Variants in DMXL2 observed in about 807,000 individuals in gnomAD.
The protein encoded by DMXL2 is Dmx like 2, also known as dmX-like protein 2.
In DMXL2, 103 loss-of-function variants were observed where a neutral mutation model predicts 331.1. The ratio of observed to expected loss-of-function variants is 0.31; its 90% confidence interval spans 0.27 to 0.37. DMXL2 has a LOEUF of 0.37. Among genes scored for constraint, DMXL2 ranks in the 10% least tolerant of loss-of-function variants. The pLI, the probability that DMXL2 is intolerant of heterozygous loss-of-function variation, is 1.00. For synonymous variants in DMXL2, 1,281 were observed against 1,252.1 expected (o/e 1.02, Z -0.49); for missense variants, 3,171 against 3,642.9 (o/e 0.87, Z 3.33).
At chr15:51,451,759 GA>G (rs1042992155) in intron 41 of DMXL2, 62 bp from the exon 42 acceptor site, 16 of 1,410,214 alleles carry the variant, frequency 1.1e-5, no homozygotes, top group Non-Finnish European at 1.6e-5. Flanking sequence ...CGTCATCAGG[GA>G]CAACCTGTCT....
intron 1 of DMXL2, among the ~76,000 whole-genome samples, chr15:51,608,232 C>T (rs545233756): frequency 2.6e-5 from 4 of 152,000 alleles, no homozygotes; most frequent in African/African-American, 7.2e-5. Flanking sequence ...CAATTCAACC[C>T]AGCAATCCCA....
In DMXL2 at chr15:51,480,779, C is replaced by A; in HGVS notation, c.6327G>T (p.Leu2109=). ...TGTCTACCATTTCTTCCTGATCCAG[C>A]AGATCACTCTCTACTTTGGAATATG... ...SKTYSKVESD[L]LDQEEMVDKP... The change falls in exon 24 of 44, where the codon CTG becomes CTT. Residue 2109 remains leucine (L), a synonymous_variant. Coordinates refer to ENST00000560891, the MANE Select transcript of DMXL2 (RefSeq NM_001378457.1). The A allele has an allele frequency of 6.2e-7, 1 of 1,601,926 alleles. No homozygotes were observed. The highest frequency in any genetic ancestry group is 8.5e-7 in the Non-Finnish European group (1 of 1,172,196).
At chr15:51,527,313 G>A (rs1317042519) in intron 13 of DMXL2, among the ~76,000 whole-genome samples, 1 of 152,002 alleles carries the variant, frequency 6.6e-6, no homozygotes, top group Non-Finnish European at 1.5e-5. Flanking sequence ...CAAACATGAA[G>A]GATAACTAAA....
chr15:51,596,785 G>A (rs1469398069), intron 1 of DMXL2, among the ~76,000 whole-genome samples: 1 of 152,092 alleles, frequency 6.6e-6, no homozygotes, highest in Non-Finnish European at 1.5e-5. Context: ...CATGGATGAA[G>A]CTGGAAACCA....
rs750559484 is a variant in DMXL2, at chr15:51,502,917, T to C, written c.2881A>G (p.Ile961Val). The C allele has an allele frequency of 2.5e-6, 4 of 1,614,080 alleles. No homozygotes were observed. Among genetic ancestry groups the C allele is most frequent in the East Asian group, 4.5e-5 (2 of 44,860 alleles). The change falls in exon 17 of 44, where the codon ATT becomes GTT. Residue 961 changes from isoleucine (I) to valine (V), a missense_variant. Transcript: ENST00000560891. Reference protein sequence around the residue: ...SVSPMPHSSSIANLQTASKLI... With the variant: ...SVSPMPHSSSVANLQTASKLI... ...TTACTGGCAGTTTGAAGATTGGCAATTGATGAAGAATGTGGCATGGGGCTC... is the reference window on the plus strand; with the variant it reads ...TTACTGGCAGTTTGAAGATTGGCAACTGATGAAGAATGTGGCATGGGGCTC...
chr15:51,516,215 C>A (rs977064721), intron 14 of DMXL2, among the ~76,000 whole-genome samples: 2 of 152,162 alleles, frequency 1.3e-5, no homozygotes, highest in Non-Finnish European at 2.9e-5. Flanking sequence ...TTAGTTCTAT[C>A]CCTTAGACCA....
At chr15:51,549,326 A>G (rs989614312) in intron 6 of DMXL2, among the ~76,000 whole-genome samples, 3 of 151,698 alleles carry the variant, frequency 2.0e-5, no homozygotes, top group South Asian at 2.1e-4. Context: ...CATGGTGTGT[A>G]TATATATATA....
chr15:51,467,765 T>C (rs1353560837), intron 29 of DMXL2, among the ~76,000 whole-genome samples: 4 of 151,902 alleles, frequency 2.6e-5, no homozygotes, highest in Non-Finnish European at 5.9e-5. Context: ...CTCACTCTGT[T>C]GCCCAGGCTA....
chr15:51,580,363 T>C (rs954830123), intron 1 of DMXL2, among the ~76,000 whole-genome samples: 7 of 152,194 alleles, frequency 4.6e-5, no homozygotes, highest in Non-Finnish European at 7.3e-5. Flanking sequence ...GAAATACTTC[T>C]GACTAAGCTA....
intron 33 of DMXL2, chr15:51,459,969 A>C (rs1670046606): frequency 2.1e-5 from 21 of 985,032 alleles, no homozygotes; most frequent in Non-Finnish European, 2.2e-5. Context: ...TATAAAATTA[A>C]AGCCCATTTG....
At chr15:51,494,534 C>A (rs2043035366) in intron 19 of DMXL2, among the ~76,000 whole-genome samples, 1 of 152,138 alleles carries the variant, frequency 6.6e-6, no homozygotes, top group Non-Finnish European at 1.5e-5. Flanking sequence ...ATCCTTATGT[C>A]TCAAATCAGG....
intron 41 of DMXL2, among the ~76,000 whole-genome samples, chr15:51,452,877 TGTG>T (rs2039272891): frequency 6.6e-6 from 1 of 152,146 alleles, no homozygotes; most frequent in Middle Eastern, 3.4e-3. Flanking sequence ...ATAAAGAAAA[TGTG>T]GTACATATAC....
intron 13 of DMXL2, among the ~76,000 whole-genome samples, chr15:51,521,470 GGTAGTA>G (rs1350221640): frequency 6.7e-6 from 1 of 148,958 alleles, no homozygotes; most frequent in Non-Finnish European, 1.5e-5. Flanking sequence ...TAGTGGTAGT[GGTAGTA>G]GTAGTAGTAG....
At chr15:51,545,876 A>C in intron 7 of DMXL2, 110 bp from the exon 8 acceptor site, 2 of 809,544 alleles carry the variant, frequency 2.5e-6, no homozygotes, top group Non-Finnish European at 3.9e-6. Context: ...AACACTATGG[A>C]AAAAAGGAAT....
At chr15:51,458,253 G>A (rs74775812) in intron 36 of DMXL2, among the ~76,000 whole-genome samples, 2,438 of 152,282 alleles carry the variant, frequency 0.016, 32 homozygotes, top group Non-Finnish European at 0.026. Flanking sequence ...TTAATTTACT[G>A]AATATCATGA....
chr15:51,498,439 T>C (rs1352312492), intron 18 of DMXL2, 113 bp downstream of exon 18: 27 of 1,096,188 alleles, frequency 2.5e-5, no homozygotes, highest in African/African-American at 3.2e-5. Context: ...AGGAGGTCTT[T>C]TCCCTGCAAA....
intron 13 of DMXL2, among the ~76,000 whole-genome samples, chr15:51,522,022 T>C (rs190300230): frequency 2.3e-4 from 35 of 152,330 alleles, no homozygotes; most frequent in African/African-American, 8.2e-4. Context: ...ATTTGTAGAA[T>C]ACCTTAGTAA....
intron 1 of DMXL2, among the ~76,000 whole-genome samples, chr15:51,613,150 T>A (rs113123605): frequency 0.022 from 3,377 of 152,276 alleles, 56 homozygotes; most frequent in Middle Eastern, 0.054. Context: ...GTTAATGCAA[T>A]CATCACAGGG....
At chr15:51,477,183 A>G (rs545871700) in intron 26 of DMXL2, among the ~76,000 whole-genome samples, 1 of 152,164 alleles carries the variant, frequency 6.6e-6, no homozygotes, top group Admixed American at 6.5e-5. Context: ...ACATTTTAGA[A>G]ATACCTAAAC....
Sources: gnomAD v4.1 joint callset for allele counts (sites outside exome capture counted in the v4.1 genomes callset) on GRCh38, gnomAD v4.1.1 for gene constraint, MANE v1.5 for transcripts, NCBI Gene and HGNC (gene_info 2026-07-23, HGNC 2026-07-21) for gene names.